MAN2A1: variants seen among roughly 807,000 people sequenced by gnomAD.
The protein encoded by MAN2A1 is mannosidase alpha class 2A member 1.
Under a neutral mutation model 142.6 loss-of-function variants are expected in MAN2A1, and 76 were observed. That is an observed-to-expected ratio of 0.53 (90% CI 0.44 to 0.65). The LOEUF (loss-of-function observed/expected upper bound fraction) is 0.65, where lower values mean the gene tolerates loss of function less well. Among genes scored for constraint, MAN2A1 ranks in the 30% least tolerant of loss-of-function variants. MAN2A1 has a pLI of 0.00. For synonymous variants in MAN2A1, 559 were observed against 473.2 expected (o/e 1.18, Z -2.35); for missense variants, 1,311 against 1,365.1 (o/e 0.96, Z 0.62).
chr5:109,803,949 T>C (rs894570967), intron 12 of MAN2A1, among the ~76,000 whole-genome samples: 1 of 152,132 alleles, frequency 6.6e-6, no homozygotes, highest in Admixed American at 6.6e-5. Context: ...ATTACTTCAG[T>C]AGCTTATTGT....
intron 3 of MAN2A1, among the ~76,000 whole-genome samples, chr5:109,726,726 C>CA (rs869109757): frequency 5.3e-5 from 8 of 152,114 alleles, no homozygotes; most frequent in African/African-American, 1.9e-4. Flanking sequence ...AAAAAACATA[C>CA]AAAAAAACTT....
chr5:109,856,725 A>G (rs1755613070), intron 20 of MAN2A1, among the ~76,000 whole-genome samples: 1 of 152,206 alleles, frequency 6.6e-6, no homozygotes, highest in Non-Finnish European at 1.5e-5. Context: ...TTGGCTATGC[A>G]GGCAAACATA....
At chr5:109,790,404 T>G (rs1440520589) in intron 12 of MAN2A1, among the ~76,000 whole-genome samples, 4 of 151,932 alleles carry the variant, frequency 2.6e-5, no homozygotes, top group Non-Finnish European at 5.9e-5. Context: ...AAAGTCTTAG[T>G]TGTCTAAATT....
In MAN2A1 at chr5:109,734,552, G is replaced by A. The variant is rs1035313988; in HGVS notation, c.707+5039G>A. ...TACACACTGCTTTGAATGTGTCCCAGAGATTCTGGTATGTTGTGTCTTTCT... is the reference window on the plus strand; with the variant it reads ...TACACACTGCTTTGAATGTGTCCCAAAGATTCTGGTATGTTGTGTCTTTCT... On this transcript the variant is annotated intron_variant, in intron 4 of 21. Transcript: ENST00000261483. Among the ~76,000 whole-genome samples, 14 of 152,254 alleles carry A rather than the reference G, an allele frequency of 9.2e-5. 1 individual carries two copies. The highest frequency in any genetic ancestry group is 2.6e-4 in the Admixed American group (4 of 15,294).
intron 1 of MAN2A1, among the ~76,000 whole-genome samples, chr5:109,698,366 A>C (rs1750874233): frequency 6.6e-6 from 1 of 152,186 alleles, no homozygotes; most frequent in Admixed American, 6.5e-5. Flanking sequence ...CTTCACTTTT[A>C]AAGATTATAT....
intron 12 of MAN2A1, among the ~76,000 whole-genome samples, chr5:109,810,647 T>A (rs1190928365): frequency 6.6e-6 from 1 of 152,248 alleles, no homozygotes; most frequent in Non-Finnish European, 1.5e-5. Context: ...TTCCAGACTT[T>A]CCACTAGGTT....
At chr5:109,690,594 G>A in intron 1 of MAN2A1, 42 bp downstream of exon 1, 2 of 1,550,060 alleles carry the variant, frequency 1.3e-6, no homozygotes, top group Non-Finnish European at 1.7e-6. Context: ...GAGGGGCCAG[G>A]CGTGCGGGCC....
intron 17 of MAN2A1, among the ~76,000 whole-genome samples, chr5:109,842,762 C>T (rs747230941): frequency 8.1e-5 from 12 of 147,466 alleles, no homozygotes; most frequent in East Asian, 2.0e-4. Flanking sequence ...ATTTATCTAC[C>T]AGAAAGGAAA....
At chr5:109,808,539 G>A (rs183254410) in intron 12 of MAN2A1, among the ~76,000 whole-genome samples, 12 of 151,838 alleles carry the variant, frequency 7.9e-5, no homozygotes, top group African/African-American at 4.8e-5. Flanking sequence ...ATTCTAGTAC[G>A]TAAGTATACT....
At chr5:109,740,124 A>G (rs1056674754) in intron 4 of MAN2A1, among the ~76,000 whole-genome samples, 1 of 152,208 alleles carries the variant, frequency 6.6e-6, no homozygotes, top group Non-Finnish European at 1.5e-5. Flanking sequence ...AGTATCCAGC[A>G]TCAGTTTGTA....
chr5:109,740,244 G>A (rs1225414792), intron 4 of MAN2A1, among the ~76,000 whole-genome samples: 1 of 152,214 alleles, frequency 6.6e-6, no homozygotes, highest in East Asian at 1.9e-4. Context: ...ATCAGCAGTT[G>A]GGGAAGGTGT....
intron 9 of MAN2A1, 95 bp downstream of exon 9, chr5:109,781,693 T>A (rs1753462924): frequency 1.3e-6 from 1 of 771,670 alleles, no homozygotes; most frequent in African/African-American, 1.8e-5. Context: ...ATTCATGTAG[T>A]ACATTATGTA....
rs116776920 is a variant in MAN2A1 at position 109,795,443 on chromosome 5, A to G, written c.1943+5916A>G. Among the ~76,000 whole-genome samples the G allele has an allele frequency of 4.2e-3, 640 of 152,284 alleles. 10 individuals are homozygous for G. The highest frequency in any genetic ancestry group is 0.014 in the African/African-American group (573 of 41,572). On this transcript the variant is annotated intron_variant, in intron 12 of 21. Transcript: ENST00000261483. ...TTTACGTGATGGCTGACTAGAGACC[A>G]TGAGACTGACTCTTAGTTTCCCATT...
Position 109,795,480 on chromosome 5 carries a change from G to A in MAN2A1, c.1943+5953G>A, listed in dbSNP as rs573171783. 2.6e-5 allele frequency among the ~76,000 whole-genome samples: 4 copies of A among 152,274 alleles called. No homozygotes were observed. In the East Asian group the frequency reaches 5.8e-4, roughly 22 times the overall value. ...CTTAGTTTCCCATTAAAGCTCATAT[G>A]AAAATGTAGAAGATGATGAACAGTT... On this transcript the variant is annotated intron_variant, in intron 12 of 21. Transcript: ENST00000261483.
At chr5:109,855,695 G>A (rs567634029) in intron 20 of MAN2A1, among the ~76,000 whole-genome samples, 7 of 152,098 alleles carry the variant, frequency 4.6e-5, no homozygotes, top group Non-Finnish European at 1.0e-4. Context: ...CTATATCAGA[G>A]GCTTTGTATT....
intron 12 of MAN2A1, among the ~76,000 whole-genome samples, chr5:109,801,031 A>G (rs1754014703): frequency 6.6e-6 from 1 of 152,192 alleles, no homozygotes; most frequent in African/African-American, 2.4e-5. Flanking sequence ...GTTACCCAAT[A>G]TGACTTCTTG....
At chr5:109,770,799 C>G (rs551614471) in intron 7 of MAN2A1, among the ~76,000 whole-genome samples, 6 of 152,114 alleles carry the variant, frequency 3.9e-5, no homozygotes, top group African/African-American at 1.4e-4. Flanking sequence ...TTACCATCTC[C>G]TTTGCCCTCA....
chr5:109,863,252 A>C (rs1342701478), intron 20 of MAN2A1: 4 of 152,246 alleles, frequency 2.6e-5, no homozygotes, highest in African/African-American at 9.6e-5. Context: ...CATATAATTT[A>C]GGAGTTCCCT....
At chr5:109,697,204 T>C (rs887932960) in intron 1 of MAN2A1, among the ~76,000 whole-genome samples, 1 of 152,362 alleles carries the variant, frequency 6.6e-6, no homozygotes, top group East Asian at 1.9e-4. Context: ...TGTCTGCAGT[T>C]TTCTCAGGCA....
Sources: allele counts gnomAD v4.1 joint callset (sites outside exome capture counted in the v4.1 genomes callset), GRCh38; gene constraint gnomAD v4.1.1; transcripts MANE v1.5; gene names NCBI Gene and HGNC (gene_info 2026-07-23, HGNC 2026-07-21).